Variants in NFYB observed in about 807,000 individuals in gnomAD.
NFYB encodes CAAT box DNA-binding protein subunit B.
In NFYB, 13 loss-of-function variants were observed where a neutral mutation model predicts 28.0. The observed-to-expected ratio is 0.46, with a 90% CI of 0.30 to 0.74. The LOEUF (loss-of-function observed/expected upper bound fraction) is 0.74. Among genes scored for constraint, NFYB ranks in the 30% least tolerant of loss-of-function variants. The probability of loss-of-function intolerance (pLI) is 0.07; values close to 1 mark genes in which losing one functional copy is unlikely to be tolerated. For synonymous variants in NFYB, 74 were observed against 75.0 expected (o/e 0.99, Z 0.07); for missense variants, 142 against 247.6 (o/e 0.57, Z 2.86).
At chr12:104,135,310 T>G in intron 2 of NFYB, 138 bp downstream of exon 2, 1 of 629,852 alleles carries the variant, frequency 1.6e-6, no homozygotes, top group South Asian at 2.8e-5. Context: ...GCAACAGGAA[T>G]GAGCAGAGGT....
At chr12:104,123,531 T>C (rs1000690573) in intron 4 of NFYB, 108 bp from the exon 5 acceptor site, 17 of 777,036 alleles carry the variant, frequency 2.2e-5, no homozygotes, top group African/African-American at 3.5e-5. Context: ...TTTATGACTA[T>C]TTAATCTCTT....
intron 2 of NFYB, among the ~76,000 whole-genome samples, chr12:104,132,573 G>A (rs1470514178): frequency 6.6e-6 from 1 of 152,232 alleles, no homozygotes; most frequent in Non-Finnish European, 1.5e-5. Context: ...TGGAGATCAA[G>A]AGAAGCAGAA....
At position 104,117,899 on chromosome 12, in the gene NFYB, A is replaced by T. The variant is rs762823081; in HGVS notation, c.*1838T>A. The T allele has an allele frequency of 6.6e-6, 1 of 152,226 alleles. No individual in the cohort carries two copies. Among genetic ancestry groups the T allele is most frequent in the African/African-American group, 2.4e-5 (1 of 41,458 alleles). 9.4% of individuals were successfully genotyped at this position (152,226 alleles called of 1,614,324 possible). A position where few individuals can be genotyped will look rare whatever the true frequency, so the allele number is the denominator to read the frequency against. ...AGTATCAAAAGCCTTAAAATTTTGC[A>T]TATTTGGTAACCCAGCAATTCAAAG... On this transcript the variant is annotated 3_prime_UTR_variant, in exon 8 of 8. Transcript: ENST00000240055.
At chr12:104,120,566 A>G in intron 6 of NFYB, 87 bp from the exon 7 acceptor site, 1 of 867,778 alleles carries the variant, frequency 1.2e-6, no homozygotes, top group South Asian at 1.4e-5. Context: ...TTAATGTCTC[A>G]TTACAATTCT....
chr12:104,123,105 G>A, intron 5 of NFYB, 121 bp downstream of exon 5: 2 of 703,846 alleles, frequency 2.8e-6, no homozygotes, highest in South Asian at 3.9e-5. Context: ...GAACCCAGGA[G>A]GCAGAGGTTG....
At chr12:104,127,157 A>G (rs1240883979) in intron 3 of NFYB, among the ~76,000 whole-genome samples, 1 of 152,210 alleles carries the variant, frequency 6.6e-6, no homozygotes. Flanking sequence ...AGTTGATTCA[A>G]TTTACGTTTT....
chr12:104,133,809 C>A (rs1030790815), intron 2 of NFYB, among the ~76,000 whole-genome samples: 4 of 152,074 alleles, frequency 2.6e-5, no homozygotes, highest in African/African-American at 7.2e-5. Flanking sequence ...CTTACCAGCT[C>A]CTTCACTCTT....
intron 2 of NFYB, among the ~76,000 whole-genome samples, chr12:104,129,982 A>G (rs932195765): frequency 1.3e-5 from 2 of 152,220 alleles, no homozygotes; most frequent in African/African-American, 4.8e-5. Context: ...TGCTTAATTA[A>G]TTTTGCTGAG....
intron 2 of NFYB, among the ~76,000 whole-genome samples, chr12:104,133,305 G>C (rs2030989710): frequency 6.6e-6 from 1 of 152,138 alleles, no homozygotes; most frequent in Admixed American, 6.5e-5. Flanking sequence ...ATTCCTGCCT[G>C]GTAGTTTTTC....
At chr12:104,126,766 C>T (rs2030731976) in intron 3 of NFYB, among the ~76,000 whole-genome samples, 1 of 152,120 alleles carries the variant, frequency 6.6e-6, no homozygotes, top group East Asian at 1.9e-4. Context: ...ATGGCTCCTT[C>T]AATACTGCTA....
chr12:104,132,495 T>C (rs1188863913), intron 2 of NFYB, among the ~76,000 whole-genome samples: 1 of 152,080 alleles, frequency 6.6e-6, no homozygotes, highest in East Asian at 1.9e-4. Flanking sequence ...AGGACTGCAA[T>C]GCTGCAGTCA....
chr12:104,137,296 C>CT (rs897849199), intron 1 of NFYB: 3 of 152,262 alleles, frequency 2.0e-5, no homozygotes, highest in African/African-American at 7.2e-5. Context: ...GACTACCGTT[C>CT]TTTAAGGCCC....
chr12:104,125,287 C>CT (rs2030643109), intron 4 of NFYB: 1 of 155,256 alleles, frequency 6.4e-6, no homozygotes, highest in Non-Finnish European at 1.4e-5. Context: ...ATCTCGGAAG[C>CT]TAAGCAGGGT....
At chr12:104,128,648 AT>A (rs1398453368) in intron 2 of NFYB, 131 bp from the exon 3 acceptor site, 4 of 498,212 alleles carry the variant, frequency 8.0e-6, no homozygotes, top group Non-Finnish European at 1.4e-5. Flanking sequence ...CTAAAAGAGA[AT>A]TTATATTTCT....
intron 2 of NFYB, chr12:104,128,748 A>C: frequency 4.8e-6 from 1 of 210,002 alleles, no homozygotes; most frequent in Non-Finnish European, 9.6e-6. Flanking sequence ...CTCACTGCAG[A>C]ATCCACCTCC....
intron 4 of NFYB, among the ~76,000 whole-genome samples, chr12:104,125,666 T>C (rs1299397423): frequency 6.6e-6 from 1 of 151,552 alleles, no homozygotes; most frequent in African/African-American, 2.4e-5. Flanking sequence ...CTGACCAACA[T>C]GGAGAAACCC....
At chr12:104,136,722 A>T (rs1205135005) in intron 1 of NFYB, among the ~76,000 whole-genome samples, 1 of 152,166 alleles carries the variant, frequency 6.6e-6, no homozygotes, top group African/African-American at 2.4e-5. Flanking sequence ...GATTCAGTAT[A>T]TATTTAGACT....
intron 5 of NFYB, among the ~76,000 whole-genome samples, chr12:104,122,648 G>A (rs2030523547): frequency 1.3e-5 from 2 of 152,128 alleles, no homozygotes; most frequent in South Asian, 2.1e-4. Context: ...GATGATCTGA[G>A]GTGGAACAGT....
At chr12:104,135,246 C>A (rs527967416) in intron 2 of NFYB, among the ~76,000 whole-genome samples, 1 of 152,296 alleles carries the variant, frequency 6.6e-6, no homozygotes, top group South Asian at 2.1e-4. Context: ...GTAGCCTCAA[C>A]AGCACTTAGG....
Sources: allele counts gnomAD v4.1 joint callset (sites outside exome capture counted in the v4.1 genomes callset), GRCh38; gene constraint gnomAD v4.1.1; transcripts MANE v1.5; gene names NCBI Gene and HGNC (gene_info 2026-07-23, HGNC 2026-07-21).